The following LIMCH1 variants were observed in gnomAD, a reference collection of about 807,000 sequenced individuals.
LIMCH1 encodes the protein LIM and calponin homology domains 1.
A neutral mutation model predicts 176.5 loss-of-function variants in LIMCH1; 113 were observed. The ratio of observed to expected loss-of-function variants is 0.64; its 90% CI spans 0.55 to 0.75. The LOEUF is 0.75. LIMCH1 is among the 30% of genes least tolerant of loss of function. The probability of loss-of-function intolerance (pLI) is 0.00; values close to 1 mark genes in which losing one functional copy is unlikely to be tolerated. For synonymous variants in LIMCH1, 619 were observed against 645.9 expected (o/e 0.96, Z 0.63); for missense variants, 1,674 against 1,814.9 (o/e 0.92, Z 1.41).
intron 1 of LIMCH1, among the ~76,000 whole-genome samples, chr4:41,454,820 A>G (rs564807578): frequency 4.6e-5 from 7 of 152,320 alleles, no homozygotes; most frequent in Admixed American, 2.0e-4. Context: ...GGGCAATCCA[A>G]TGCTCAGTGG....
chr4:41,404,113 G>A (rs13140742), intron 1 of LIMCH1, among the ~76,000 whole-genome samples: 26,055 of 152,092 alleles, frequency 0.17, 2,444 homozygotes, highest in Admixed American at 0.25. Context: ...CCCAAATCTC[G>A]TTGGCTTGCA....
At chr4:41,463,639 G>A (rs1286733863) in intron 1 of LIMCH1, among the ~76,000 whole-genome samples, 2 of 151,040 alleles carry the variant, frequency 1.3e-5, no homozygotes, top group African/African-American at 4.9e-5. Context: ...GCAGAGTCAT[G>A]ATCTCGGCTC....
chr4:41,419,341 C>G (rs1229116717), intron 1 of LIMCH1, among the ~76,000 whole-genome samples: 7 of 151,984 alleles, frequency 4.6e-5, no homozygotes, highest in African/African-American at 1.7e-4. Context: ...CCACATCCTG[C>G]TAATTTTTGT....
rs755882698 is a variant in LIMCH1, at chr4:41,524,510, A to G, written c.237+32A>G. On this transcript the variant is annotated intron_variant, in intron 3 of 26. Coordinates refer to the LIMCH1 transcript ENST00000313860. The stretch of plus-strand genomic sequence containing the variant: ...ACGTGGAATTGAGATTTATTTTCCA[A>G]TATTCCTTTGCTCTAACCTAGGGGT... 2.7e-5 allele frequency: 42 copies of G among 1,530,888 alleles called. No individual in the cohort carries two copies. In the South Asian group the frequency reaches 3.9e-4, roughly 14 times the overall value. The allele number at this position is 1,530,888 out of a possible 1,614,324, so 94.8% of individuals were successfully genotyped here.
chr4:41,361,748 T>C (rs2052105044), intron 1 of LIMCH1, among the ~76,000 whole-genome samples: 1 of 152,236 alleles, frequency 6.6e-6, no homozygotes, highest in African/African-American at 2.4e-5. Context: ...TATCAGTAGA[T>C]GCAGCTTGGT....
rs551360797 is a variant in LIMCH1 at position 41,573,477 on chromosome 4, G to A, written c.-240-25443G>A. ...TAAATGACATGGTTGAGGTTACACT[G>A]TGCATCACTTTTCCAGCCTTCATTT... On this transcript the variant is annotated intron_variant, in intron 1 of 31. Coordinates refer to ENST00000503057, the MANE Select transcript of LIMCH1 (RefSeq NM_001330672.2). Among the ~76,000 whole-genome samples the A allele has an allele frequency of 6.6e-5, 10 of 152,296 alleles. No individual in the cohort carries two copies. In the South Asian group the frequency reaches 1.0e-3, roughly 16 times the overall value.
chr4:41,528,800 T>G (rs770234988), intron 3 of LIMCH1, among the ~76,000 whole-genome samples: 5 of 152,202 alleles, frequency 3.3e-5, no homozygotes, highest in Non-Finnish European at 7.3e-5. Flanking sequence ...TGTTTTCACA[T>G]AGCAATATCA....
chr4:41,451,807 G>C (rs1258534512), intron 1 of LIMCH1, among the ~76,000 whole-genome samples: 1 of 152,140 alleles, frequency 6.6e-6, no homozygotes, highest in African/African-American at 2.4e-5. Context: ...TTCAATTATT[G>C]CATTCTTTCC....
At chr4:41,473,717 A>G (rs2154161267) in intron 1 of LIMCH1, among the ~76,000 whole-genome samples, 1 of 152,370 alleles carries the variant, frequency 6.6e-6, no homozygotes, top group East Asian at 1.9e-4. Context: ...GATTGCATCA[A>G]ACTTAAAAGC....
intron 1 of LIMCH1, among the ~76,000 whole-genome samples, chr4:41,561,709 C>T (rs970477105): frequency 2.0e-5 from 3 of 152,206 alleles, no homozygotes; most frequent in Non-Finnish European, 4.4e-5. Context: ...GGATATTCTG[C>T]AAAAATTCCA....
At chr4:41,366,193 A>T (rs567759220) in intron 1 of LIMCH1, among the ~76,000 whole-genome samples, 2 of 152,224 alleles carry the variant, frequency 1.3e-5, no homozygotes, top group Non-Finnish European at 2.9e-5. Flanking sequence ...GATGTTGCTG[A>T]TGATAAAAGG....
At chr4:41,573,960 G>A (rs551615792) in intron 1 of LIMCH1, among the ~76,000 whole-genome samples, 32 of 152,186 alleles carry the variant, frequency 2.1e-4, no homozygotes, top group South Asian at 6.2e-4. Context: ...ATAAGCTCCC[G>A]TCTATAATAC....
intron 1 of LIMCH1, among the ~76,000 whole-genome samples, chr4:41,598,688 A>G (rs1461962581): frequency 3.3e-5 from 5 of 152,192 alleles, no homozygotes; most frequent in Non-Finnish European, 7.3e-5. Flanking sequence ...AGTTTTATAC[A>G]AATGTGTCAA....
At chr4:41,537,914 G>T (rs2078127828), upstream of LIMCH1, among the ~76,000 whole-genome samples, 1 of 152,116 alleles carries the variant, frequency 6.6e-6, no homozygotes, top group South Asian at 2.1e-4. Context: ...TCCAGAGTTG[G>T]GACTGGAGTG....
At chr4:41,654,665 A>G (rs530776082) in intron 18 of LIMCH1, among the ~76,000 whole-genome samples, 211 of 152,268 alleles carry the variant, frequency 1.4e-3, no homozygotes, top group African/African-American at 4.8e-3. Context: ...CTTGACAGTA[A>G]GTGTGGGATT....
intron 1 of LIMCH1, among the ~76,000 whole-genome samples, chr4:41,596,356 C>A (rs1017050042): frequency 6.6e-5 from 10 of 151,886 alleles, no homozygotes; most frequent in Non-Finnish European, 1.5e-4. Context: ...AATTGGAAGT[C>A]TGAGTACTGA....
rs2051886660 is a variant in LIMCH1 at position 41,360,933 on chromosome 4, T to G, written c.93T>G (p.Ile31Met). Reference sequence around the variant, plus strand: ...CCTTCTCCGAGGCGCAGAAGTGGATTGAGGTAGGTGCGGGTGGCTGGCGGG... The same window carrying G: ...CCTTCTCCGAGGCGCAGAAGTGGATGGAGGTAGGTGCGGGTGGCTGGCGGG... Residue 31 changes from isoleucine (I) to methionine (M), a missense_variant, in exon 1 of 27, where the codon ATT (isoleucine) becomes ATG (methionine). Transcript: ENST00000313860. This position sits in a 1 kb window ranked among gnomAD's most constrained non-coding sequence, Gnocchi z 4.5. 1 of 1,576,538 alleles carries G rather than the reference T, an allele frequency of 6.3e-7. No homozygotes were observed. Among genetic ancestry groups the G allele is most frequent in the African/African-American group, 1.4e-5 (1 of 73,242 alleles).
intron 2 of LIMCH1, among the ~76,000 whole-genome samples, chr4:41,512,109 C>A (rs2075000617): frequency 6.6e-6 from 1 of 152,090 alleles, no homozygotes; most frequent in Non-Finnish European, 1.5e-5. Context: ...ATAGACACTT[C>A]TCCAAAGAAG....
intron 1 of LIMCH1, among the ~76,000 whole-genome samples, chr4:41,453,917 C>T (rs993545251): frequency 3.3e-5 from 5 of 152,110 alleles, no homozygotes; most frequent in African/African-American, 1.2e-4. Context: ...CGCTTCTGTT[C>T]GTTTTCCATC....
Sources: allele counts gnomAD v4.1 joint callset (sites outside exome capture counted in the v4.1 genomes callset), GRCh38; gene constraint gnomAD v4.1.1; non-coding constraint Gnocchi (gnomAD v3.1); transcripts MANE v1.5; gene names NCBI Gene and HGNC (gene_info 2026-07-23, HGNC 2026-07-21).